The following PCSK5 variants were observed in gnomAD, a reference collection of about 807,000 sequenced individuals.
PCSK5 encodes the protein prohormone convertase 5.
In PCSK5, 129 loss-of-function variants were observed where a neutral mutation model predicts 233.2. That is an observed-to-expected ratio of 0.55 (90% confidence interval 0.48 to 0.64). The LOEUF (loss-of-function observed/expected upper bound fraction) is 0.64. PCSK5 is among the 30% of genes least tolerant of loss of function. The pLI, the probability that PCSK5 is intolerant of heterozygous loss-of-function variation, is 0.00. For missense variants in PCSK5, 2,076 were observed against 2,430.1 expected (o/e 0.85, Z 3.06); for synonymous variants, 825 against 879.2 (o/e 0.94, Z 1.09).
chr9:76,021,639 T>G (rs1455359501), intron 3 of PCSK5, among the ~76,000 whole-genome samples: 1 of 152,156 alleles, frequency 6.6e-6, no homozygotes, highest in East Asian at 1.9e-4. Flanking sequence ...CATAAAAACA[T>G]GGGTGCACCC....
chr9:76,266,452 AT>A (rs1827335710), intron 24 of PCSK5, among the ~76,000 whole-genome samples: 7 of 152,186 alleles, frequency 4.6e-5, no homozygotes, highest in Admixed American at 3.9e-4. Context: ...TGCCTATTTA[AT>A]TCCCATTGCA....
At chr9:75,999,202 C>A (rs2131422668) in intron 3 of PCSK5, among the ~76,000 whole-genome samples, 1 of 152,170 alleles carries the variant, frequency 6.6e-6, no homozygotes, top group Non-Finnish European at 1.5e-5. Flanking sequence ...TAATGCTATC[C>A]CTCCCCTAGC....
chr9:76,289,188 G>T (rs1256151307), intron 24 of PCSK5, among the ~76,000 whole-genome samples: 2 of 152,052 alleles, frequency 1.3e-5, no homozygotes, highest in Admixed American at 1.3e-4. Context: ...CAGAAAGACG[G>T]CATCCCCGTC....
chr9:76,062,479 T>C (rs1564003461), intron 5 of PCSK5, among the ~76,000 whole-genome samples: 4 of 152,100 alleles, frequency 2.6e-5, no homozygotes, highest in East Asian at 1.9e-4. Context: ...GAAACAACAA[T>C]GAAATAACAA....
chr9:76,312,770 C>T (rs565077375), intron 30 of PCSK5, among the ~76,000 whole-genome samples: 93 of 152,088 alleles, frequency 6.1e-4, no homozygotes, highest in African/African-American at 1.8e-3. Flanking sequence ...ATTGTATATG[C>T]GTAGCTCAGT....
chr9:76,124,312 CAG>C (rs1470625038), intron 9 of PCSK5, among the ~76,000 whole-genome samples: 4 of 152,062 alleles, frequency 2.6e-5, no homozygotes, highest in Non-Finnish European at 5.9e-5. Context: ...ATAAAGCACC[CAG>C]TAAAGCATCT....
intron 37 of PCSK5, among the ~76,000 whole-genome samples, chr9:76,357,766 C>T (rs1238420164): frequency 2.0e-5 from 3 of 152,236 alleles, no homozygotes; most frequent in African/African-American, 7.2e-5. Flanking sequence ...CACTTCCTCT[C>T]GATGGACTTT....
intron 24 of PCSK5, among the ~76,000 whole-genome samples, chr9:76,247,250 C>T (rs766613988): frequency 6.6e-6 from 1 of 152,036 alleles, no homozygotes; most frequent in African/African-American, 2.4e-5. Context: ...TGGACGCGAG[C>T]GAAACTTCAG....
At chr9:76,175,342 A>C in intron 14 of PCSK5, 1 of 506,198 alleles carries the variant, frequency 2.0e-6, no homozygotes, top group South Asian at 3.1e-5. Flanking sequence ...GAACAGAACA[A>C]TCTACTACCC....
At chr9:76,040,377 C>CTCTG (rs770227021) in intron 5 of PCSK5, among the ~76,000 whole-genome samples, 2,115 of 59,634 alleles carry the variant, frequency 0.035, 31 homozygotes, top group East Asian at 0.072. Context: ...CTCTCTCTCT[C>CTCTG]TCTCTCTGTC....
intron 35 of PCSK5, among the ~76,000 whole-genome samples, chr9:76,350,297 C>G (rs1587365144): frequency 6.7e-6 from 1 of 149,448 alleles, no homozygotes; most frequent in Middle Eastern, 3.5e-3. Context: ...AGAGAACTTA[C>G]AGCTTTCAAG....
rs1830126235 is a variant in PCSK5 at position 76,351,452 on chromosome 9, GAAAGAAA to G, written c.5067+525_5067+531del. Among the ~76,000 whole-genome samples the G allele has an allele frequency of 1.4e-3, 34 of 25,034 alleles. 3 individuals carry two copies. Among genetic ancestry groups the G allele is most frequent in the Middle Eastern group, 0.012 (1 of 82 alleles). 16.4% of individuals were successfully genotyped at this position (25,034 alleles called of 152,430 possible). On this transcript the variant is annotated intron_variant, in intron 36 of 37. Coordinates refer to ENST00000674117, the MANE Select transcript of PCSK5 (RefSeq NM_001372043.1). ...CCCCTGCAATGTGAAAGAAAGGAAA[GAAAGAAA>G]GAAAGAAAGAAAGAAAGAAAGAAAG...
intron 24 of PCSK5, among the ~76,000 whole-genome samples, chr9:76,251,580 AG>A (rs1220450574): frequency 6.8e-6 from 1 of 146,906 alleles, no homozygotes; most frequent in African/African-American, 2.7e-5. Context: ...AAAAAAAAAA[AG>A]ACAGAAAGAA....
chr9:76,314,441 C>A (rs188854619), intron 30 of PCSK5, among the ~76,000 whole-genome samples: 1 of 152,142 alleles, frequency 6.6e-6, no homozygotes, highest in Admixed American at 6.6e-5. Flanking sequence ...CACATAATAT[C>A]CAGTTTATCT....
At chr9:76,078,455 A>G (rs1486598744) in intron 7 of PCSK5, among the ~76,000 whole-genome samples, 1 of 152,164 alleles carries the variant, frequency 6.6e-6, no homozygotes, top group Non-Finnish European at 1.5e-5. Flanking sequence ...ATTTTTGTAT[A>G]TGGTGAAAGG....
intron 1 of PCSK5, among the ~76,000 whole-genome samples, chr9:75,917,781 T>G (rs867679158): frequency 6.6e-6 from 1 of 152,246 alleles, no homozygotes; most frequent in African/African-American, 2.4e-5. Context: ...ATTTTTCTAC[T>G]AAGATATCTG....
At chr9:75,980,704 A>G (rs1459264708) in intron 2 of PCSK5, among the ~76,000 whole-genome samples, 2 of 152,106 alleles carry the variant, frequency 1.3e-5, no homozygotes, top group Non-Finnish European at 2.9e-5. Context: ...AATGTAAAGT[A>G]TGGAAAATCC....
intron 20 of PCSK5, among the ~76,000 whole-genome samples, chr9:76,204,106 A>T (rs1005714598): frequency 1.3e-5 from 2 of 152,286 alleles, no homozygotes; most frequent in South Asian, 4.1e-4. Flanking sequence ...TTTTTTATTC[A>T]TTGTTGATCC....
intron 5 of PCSK5, among the ~76,000 whole-genome samples, chr9:76,034,780 A>G (rs1175622991): frequency 6.6e-6 from 1 of 152,212 alleles, no homozygotes; most frequent in Non-Finnish European, 1.5e-5. Context: ...AAAGGCAAGA[A>G]CATATACTAA....
Sources: allele counts gnomAD v4.1 joint callset (sites outside exome capture counted in the v4.1 genomes callset), GRCh38; gene constraint gnomAD v4.1.1; transcripts MANE v1.5; gene names NCBI Gene and HGNC (gene_info 2026-07-23, HGNC 2026-07-21).